SUGCT: variants seen among roughly 807,000 people sequenced by gnomAD.
SUGCT encodes succinyl-CoA:glutarate-CoA transferase.
In SUGCT, 41 loss-of-function variants were observed where a neutral mutation model predicts 55.0. That is an observed-to-expected ratio of 0.74 (90% CI 0.58 to 0.97). The LOEUF (loss-of-function observed/expected upper bound fraction) is 0.97. SUGCT is among the 50% of genes least tolerant of loss of function. The pLI, the probability that SUGCT is intolerant of heterozygous loss-of-function variation, is 0.00. For synonymous variants in SUGCT, 187 were observed against 200.4 expected, an observed-to-expected ratio of 0.93 and a Z score of 0.56; for missense variants, 568 against 547.8, an observed-to-expected ratio of 1.04 and a Z score of -0.37.
chr7:40,612,961 C>T lies in SUGCT; in HGVS notation c.1089+116575C>T, dbSNP rs575129661. 3.3e-5 allele frequency among the ~76,000 whole-genome samples: 5 copies of T among 152,088 alleles called. No homozygotes were observed. In the South Asian group the frequency reaches 8.3e-4, roughly 25 times the overall value. ...CAGCCTGGCCAACATGGTGAAACCCCGTCTCTACTAAAAATACAAAAATTA... is the reference window on the plus strand; with the variant it reads ...CAGCCTGGCCAACATGGTGAAACCCTGTCTCTACTAAAAATACAAAAATTA... On this transcript the variant is annotated intron_variant, in intron 12 of 13. Coordinates refer to ENST00000335693, the MANE Select transcript of SUGCT (RefSeq NM_001193313.2).
chr7:40,722,872 G>A (rs186755249), intron 12 of SUGCT, among the ~76,000 whole-genome samples: 1 of 152,152 alleles, frequency 6.6e-6, no homozygotes, highest in Non-Finnish European at 1.5e-5. Flanking sequence ...CCTTCAATCT[G>A]ATAACATTAT....
At chr7:40,867,359 G>A in the SUGCT span, among the ~76,000 whole-genome samples, 1 of 151,120 alleles carries the variant, frequency 6.6e-6, no homozygotes, top group African/African-American at 2.4e-5. Flanking sequence ...CATATATATG[G>A]GGAGAGAGCA....
At chr7:40,310,385 A>G (rs552108261) in intron 8 of SUGCT, among the ~76,000 whole-genome samples, 2 of 152,300 alleles carry the variant, frequency 1.3e-5, no homozygotes, top group South Asian at 2.1e-4. Flanking sequence ...AGGAGCCAGG[A>G]TGACTAAATA....
chr7:40,380,588 C>G (rs1434045867), intron 9 of SUGCT, among the ~76,000 whole-genome samples: 1 of 152,026 alleles, frequency 6.6e-6, no homozygotes, highest in Non-Finnish European at 1.5e-5. Context: ...GCATCGCATC[C>G]CCTAGATTCT....
chr7:40,422,982 A>C (rs1271270930), intron 9 of SUGCT, among the ~76,000 whole-genome samples: 1 of 152,188 alleles, frequency 6.6e-6, no homozygotes, highest in Non-Finnish European at 1.5e-5. Context: ...TTGCTCATAG[A>C]TGCTGAATGT....
chr7:40,498,913 C>G (rs1307587424), intron 12 of SUGCT: 4 of 368,428 alleles, frequency 1.1e-5, no homozygotes, highest in Non-Finnish European at 2.1e-5. Context: ...TCTGCAAAAT[C>G]TATGCCAAGA....
chr7:40,933,637 T>C, the SUGCT span, among the ~76,000 whole-genome samples: 1 of 152,214 alleles, frequency 6.6e-6, no homozygotes, highest in Non-Finnish European at 1.5e-5. Context: ...CATTTCTTTT[T>C]ACTCTTCTTT....
intron 12 of SUGCT, among the ~76,000 whole-genome samples, chr7:40,703,187 C>G (rs1430716849): frequency 1.3e-5 from 2 of 152,000 alleles, no homozygotes; most frequent in Admixed American, 6.6e-5. Context: ...GCCTCAGCCT[C>G]CCGAGTAGCT....
the SUGCT span, among the ~76,000 whole-genome samples, chr7:41,014,610 G>A: frequency 6.6e-6 from 1 of 152,120 alleles, no homozygotes; most frequent in South Asian, 2.1e-4. Flanking sequence ...CTGGAGCTGC[G>A]GATCACCAAT....
chr7:40,977,333 G>C, the SUGCT span, among the ~76,000 whole-genome samples: 1 of 152,180 alleles, frequency 6.6e-6, no homozygotes, highest in African/African-American at 2.4e-5. Flanking sequence ...AAGGTTGAAG[G>C]GACAGGACAG....
chr7:40,642,827 C>T (rs922343475), intron 12 of SUGCT, among the ~76,000 whole-genome samples: 20 of 152,104 alleles, frequency 1.3e-4, no homozygotes, highest in Non-Finnish European at 2.6e-4. Context: ...CCCACCTCAC[C>T]GCCTCCTTGC....
At chr7:40,705,137 C>G (rs1374943289) in intron 12 of SUGCT, among the ~76,000 whole-genome samples, 1 of 151,976 alleles carries the variant, frequency 6.6e-6, no homozygotes, top group Non-Finnish European at 1.5e-5. Flanking sequence ...TTACTTCATT[C>G]TATTTCTTTT....
chr7:40,386,762 G>A (rs1022223624), intron 9 of SUGCT, among the ~76,000 whole-genome samples: 2 of 152,282 alleles, frequency 1.3e-5, no homozygotes, highest in African/African-American at 2.4e-5. Flanking sequence ...GGGCCCAGGC[G>A]CTCTTAATGG....
At chr7:40,905,813 G>C in the SUGCT span, among the ~76,000 whole-genome samples, 1 of 151,610 alleles carries the variant, frequency 6.6e-6, no homozygotes, top group Non-Finnish European at 1.5e-5. Flanking sequence ...CAAATTCCTG[G>C]GCTCAAATGA....
At chr7:40,844,083 C>T (rs995357686) in intron 13 of SUGCT, among the ~76,000 whole-genome samples, 18 of 152,168 alleles carry the variant, frequency 1.2e-4, no homozygotes, top group African/African-American at 4.3e-4. Flanking sequence ...TGGGAGCAGG[C>T]TTTGTACAGG....
At chr7:40,599,885 G>A (rs988383646) in intron 12 of SUGCT, among the ~76,000 whole-genome samples, 5 of 152,082 alleles carry the variant, frequency 3.3e-5, no homozygotes, top group Non-Finnish European at 5.9e-5. Flanking sequence ...TCAAAGAACC[G>A]GCACCATGTG....
intron 9 of SUGCT, among the ~76,000 whole-genome samples, chr7:40,322,761 T>C (rs1795820328): frequency 6.6e-6 from 1 of 152,066 alleles, no homozygotes; most frequent in South Asian, 2.1e-4. Context: ...GAGACCAGCC[T>C]GGGCAACATA....
At chr7:40,395,576 C>A (rs1785685123) in intron 9 of SUGCT, among the ~76,000 whole-genome samples, 2 of 144,302 alleles carry the variant, frequency 1.4e-5, no homozygotes, top group African/African-American at 5.1e-5. Context: ...TACATTTTAA[C>A]AAGATCAAAG....
chr7:40,576,541 G>A (rs1175793611), intron 12 of SUGCT, among the ~76,000 whole-genome samples: 1 of 152,180 alleles, frequency 6.6e-6, no homozygotes, highest in Non-Finnish European at 1.5e-5. Context: ...GCAGACTTAC[G>A]CATGTGAAAG....
Sources: allele counts gnomAD v4.1 joint callset (sites outside exome capture counted in the v4.1 genomes callset), GRCh38; gene constraint gnomAD v4.1.1; transcripts MANE v1.5; gene names NCBI Gene and HGNC (gene_info 2026-07-23, HGNC 2026-07-21).